Variants in CASS4 observed in about 807,000 individuals in gnomAD.
The protein encoded by CASS4 is Cas scaffold protein family member 4.
In CASS4, 22 loss-of-function variants were observed where a neutral mutation model predicts 54.2. The ratio of observed to expected loss-of-function variants is 0.41; its 90% CI spans 0.29 to 0.58. CASS4 has a LOEUF of 0.58. Among genes scored for constraint, CASS4 ranks in the 20% least tolerant of loss-of-function variants. CASS4 has a pLI of 0.36. For missense variants in CASS4, 854 were observed against 986.7 expected, an observed-to-expected ratio of 0.87 and a Z score of 1.80; for synonymous variants, 409 against 391.5, an observed-to-expected ratio of 1.04 and a Z score of -0.53.
At position 56,452,543 on chromosome 20, in the gene CASS4, C is replaced by A. The variant is rs776832429; in HGVS notation, c.1367C>A (p.Ala456Asp). 1.9e-6 allele frequency: 3 copies of A among 1,614,170 alleles called. No homozygotes were observed. Among genetic ancestry groups the A allele is most frequent in the Middle Eastern group, 1.6e-4 (1 of 6,062 alleles). ...ALQHKVVSSVAGLMLFVSRKW... is the reference protein window; with the variant it reads ...ALQHKVVSSVDGLMLFVSRKW... Reference sequence around the variant, plus strand: ...CAGCACAAGGTGGTCAGCTCTGTCGCTGGCCTGATGCTCTTTGTCAGCAGG... The same window carrying A: ...CAGCACAAGGTGGTCAGCTCTGTCGATGGCCTGATGCTCTTTGTCAGCAGG... Residue 456 changes from alanine to aspartate, a missense_variant, in exon 5 of 6, where the codon GCT becomes GAT. Physicochemically the swap from Ala to Asp is moderately radical, Grantham distance 126 (BLOSUM62 -2). Transcript: ENST00000679887.
At chr20:56,436,926 C>T (rs1369626942) in intron 1 of CASS4, among the ~76,000 whole-genome samples, 2 of 152,110 alleles carry the variant, frequency 1.3e-5, no homozygotes, top group African/African-American at 4.8e-5. Context: ...CATATTAGGA[C>T]CATCCGACCT....
chr20:56,434,755 T>C (rs1008220121), intron 1 of CASS4, among the ~76,000 whole-genome samples: 1 of 152,074 alleles, frequency 6.6e-6, no homozygotes, highest in African/African-American at 2.4e-5. Context: ...CACAATTTAT[T>C]TTTAAGTGGG....
rs1981493846 is a variant in CASS4 at position 56,459,371 on chromosome 20, A to G, written c.*624A>G. The G allele has an allele frequency of 4.5e-6, 1 of 223,212 alleles. No homozygotes were observed. The highest frequency in any genetic ancestry group is 2.3e-5 in the African/African-American group (1 of 42,976). The allele number at this position is 223,212 out of a possible 1,614,324, so 13.8% of individuals were successfully genotyped here. On this transcript the variant is annotated 3_prime_UTR_variant, in exon 6 of 6. Coordinates refer to ENST00000679887, the MANE Select transcript of CASS4 (RefSeq NM_020356.4). ...GGTGACATTTTCAGCTTGATGTGGT[A>G]ACATGACTGTGACCTTCAGACAGCA... is the stretch of plus-strand genomic sequence containing the variant.
chr20:56,458,716 A>T lies in CASS4; in HGVS notation c.2330A>T (p.His777Leu). The change falls in exon 6 of 6, where the codon CAC (histidine) becomes CTC (leucine). Residue 777 changes from histidine (H) to leucine (L), a missense_variant. Transcript: ENST00000679887. ...GCGGAGGCTGAGAAGCTGGAGCAAC[A>T]CACGCGGCAGTTCAGAGGGACACTG... is the stretch of plus-strand genomic sequence containing the variant. Reference protein sequence around the residue: ...LQAEAEKLEQHTRQFRGTLG With the variant: ...LQAEAEKLEQLTRQFRGTLG 1 of 1,610,178 alleles carries T rather than the reference A, an allele frequency of 6.2e-7. No homozygotes were observed. Among genetic ancestry groups the T allele is most frequent in the Non-Finnish European group, 8.5e-7 (1 of 1,178,300 alleles).
At chr20:56,445,862 C>T (rs1156501796) in intron 2 of CASS4, 38 bp from the exon 3 acceptor site, 5 of 1,450,944 alleles carry the variant, frequency 3.4e-6, no homozygotes, top group East Asian at 4.5e-5. Context: ...ATCAGAGTGA[C>T]ATTTCCTTTT....
chr20:56,433,997 G>A (rs1184800019), intron 1 of CASS4, among the ~76,000 whole-genome samples: 1 of 152,196 alleles, frequency 6.6e-6, no homozygotes, highest in Non-Finnish European at 1.5e-5. Context: ...AGTAGTCTGG[G>A]TGTTGCTAAG....
At chr20:56,449,297 A>C (rs1396811423) in intron 3 of CASS4, among the ~76,000 whole-genome samples, 1 of 152,242 alleles carries the variant, frequency 6.6e-6, no homozygotes, top group Non-Finnish European at 1.5e-5. Flanking sequence ...CGATGAGTTC[A>C]TGTCCTTTGT....
intron 1 of CASS4, among the ~76,000 whole-genome samples, chr20:56,418,309 G>A (rs1238607371): frequency 4.6e-5 from 7 of 152,172 alleles, no homozygotes; most frequent in African/African-American, 1.4e-4. Context: ...ATAGTACAGG[G>A]CCCCTGTAAA....
chr20:56,419,045 C>T (rs1027987842), intron 1 of CASS4, among the ~76,000 whole-genome samples: 2 of 152,114 alleles, frequency 1.3e-5, no homozygotes, highest in African/African-American at 4.8e-5. Flanking sequence ...CACCCCAAAA[C>T]TTAAAAGGTC....
At chr20:56,426,039 G>A (rs990375920) in intron 1 of CASS4, among the ~76,000 whole-genome samples, 8 of 152,078 alleles carry the variant, frequency 5.3e-5, no homozygotes, top group South Asian at 2.1e-4. Flanking sequence ...AAATGTCTCC[G>A]TTTCTCAGCT....
chr20:56,450,085 A>G (rs887708448), intron 3 of CASS4, among the ~76,000 whole-genome samples: 2 of 151,338 alleles, frequency 1.3e-5, no homozygotes, highest in African/African-American at 4.9e-5. Flanking sequence ...AGGCTGGAGC[A>G]CAATGGTGCG....
chr20:56,431,258 T>A (rs1484665978), intron 1 of CASS4, among the ~76,000 whole-genome samples: 1 of 152,180 alleles, frequency 6.6e-6, no homozygotes, highest in Non-Finnish European at 1.5e-5. Context: ...AGGTTCTCAT[T>A]CAGTATAATT....
At position 56,452,463 on chromosome 20, in the gene CASS4, A is replaced by C. The variant is rs751489871; in HGVS notation, c.1287A>C (p.Ser429=). 6.2e-7 allele frequency: 1 copy of C among 1,613,858 alleles called. No individual in the cohort carries two copies. The change falls in exon 5 of 6, where the codon TCA becomes TCC. Residue 429 remains serine (S), a synonymous_variant. Transcript: ENST00000679887. The part of the protein sequence containing the change: ...DDSSSSSSEE[S]AKELSLDLDV... The stretch of plus-strand genomic sequence containing the variant: ...CCTCCAGCTCTTCCTCGGAGGAGTC[A>C]GCAAAGGAGCTCTCCTTGGACCTGG...
At chr20:56,448,077 G>T (rs1342101587) in intron 3 of CASS4, among the ~76,000 whole-genome samples, 1 of 151,542 alleles carries the variant, frequency 6.6e-6, no homozygotes, top group Admixed American at 6.6e-5. Flanking sequence ...GGGAGGCGGA[G>T]CTTGCAGTGA....
intron 5 of CASS4, among the ~76,000 whole-genome samples, chr20:56,456,139 T>C (rs1339341029): frequency 6.6e-6 from 1 of 151,964 alleles, no homozygotes; most frequent in Non-Finnish European, 1.5e-5. Context: ...GGGGCACCGT[T>C]GGCCACCGGG....
At position 56,452,033 on chromosome 20, in the gene CASS4, GATCCAGGTCCCTCACTCCAC is replaced by G; in HGVS notation, c.859_878del (p.Ser287ThrfsTer3). Reference sequence around the variant, plus strand: ...ACTTTCTACAATCCTCCAAGTGGCAGATCCAGGTCCCTCACTCCACAACTGAATAACAATGTGCCCATGCA... The same window carrying G: ...ACTTTCTACAATCCTCCAAGTGGCAGAACTGAATAACAATGTGCCCATGCA... On this transcript the variant is annotated frameshift_variant, in exon 5 of 6. Transcript: ENST00000679887. LOFTEE classifies it high-confidence loss of function. 1 of 1,614,162 alleles carries G rather than the reference GATCCAGGTCCCTCACTCCAC, an allele frequency of 6.2e-7. No homozygotes were observed. The highest frequency in any genetic ancestry group is 8.5e-7 in the Non-Finnish European group (1 of 1,180,024).
intron 2 of CASS4, 37 bp from the exon 3 acceptor site, chr20:56,445,863 A>G (rs748933567): frequency 2.3e-5 from 33 of 1,454,276 alleles, no homozygotes; most frequent in Admixed American, 6.7e-5. Flanking sequence ...TCAGAGTGAC[A>G]TTTCCTTTTC....
At chr20:56,445,844 T>C in intron 2 of CASS4, 56 bp from the exon 3 acceptor site, 1 of 1,361,134 alleles carries the variant, frequency 7.3e-7, no homozygotes, top group South Asian at 1.2e-5. Flanking sequence ...TTGAACCTGA[T>C]TGTGATCATC....
At chr20:56,445,851 C>A in intron 2 of CASS4, 49 bp from the exon 3 acceptor site, 3 of 1,396,362 alleles carry the variant, frequency 2.1e-6, no homozygotes, top group Non-Finnish European at 3.0e-6. Flanking sequence ...TGATTGTGAT[C>A]ATCAGAGTGA....
Sources: allele counts gnomAD v4.1 joint callset (sites outside exome capture counted in the v4.1 genomes callset), GRCh38; gene constraint gnomAD v4.1.1; transcripts MANE v1.5; gene names NCBI Gene and HGNC (gene_info 2026-07-23, HGNC 2026-07-21).